Variants in CERS6 observed in about 807,000 individuals in gnomAD.
CERS6 encodes the protein LAG1 homolog, ceramide synthase 6.
Under a neutral mutation model 56.8 loss-of-function variants are expected in CERS6, and 26 were observed. The observed-to-expected ratio is 0.46, with a 90% CI of 0.34 to 0.63. CERS6 has a LOEUF of 0.63. Among genes scored for constraint, CERS6 ranks in the 30% least tolerant of loss-of-function variants. The probability of loss-of-function intolerance (pLI) is 0.01; values close to 1 mark genes in which losing one functional copy is unlikely to be tolerated. For synonymous variants in CERS6, 164 were observed against 173.3 expected, an observed-to-expected ratio of 0.95 and a Z score of 0.42; for missense variants, 415 against 467.5, an observed-to-expected ratio of 0.89 and a Z score of 1.04.
intron 8 of CERS6, among the ~76,000 whole-genome samples, chr2:168,720,636 G>C (rs1412952274): frequency 6.6e-6 from 1 of 152,192 alleles, no homozygotes; most frequent in African/African-American, 2.4e-5. Context: ...TAGGAATGAT[G>C]ATGATGCCCA....
chr2:168,554,846 A>G (rs1261482846), intron 2 of CERS6, among the ~76,000 whole-genome samples: 1 of 152,204 alleles, frequency 6.6e-6, no homozygotes, highest in Non-Finnish European at 1.5e-5. Context: ...GAAAGGAAGA[A>G]TTGACTTTTT....
chr2:168,578,932 T>C (rs1434049972), intron 3 of CERS6, among the ~76,000 whole-genome samples: 2 of 152,082 alleles, frequency 1.3e-5, no homozygotes, highest in African/African-American at 4.8e-5. Flanking sequence ...TGAACTCAAA[T>C]CAGAGACTTA....
intron 1 of CERS6, among the ~76,000 whole-genome samples, chr2:168,514,200 TA>T (rs1413330330): frequency 2.0e-5 from 3 of 152,240 alleles, no homozygotes; most frequent in African/African-American, 7.2e-5. Context: ...GGCCAAATTT[TA>T]AACCCTTCTT....
chr2:168,472,209 C>T lies in CERS6; in HGVS notation c.170+15591C>T, dbSNP rs1416031571. Reference sequence around the variant, plus strand: ...TTTCTAAAGCAGACTTTTTATTCTCCCTGTATAGCATTCATACTGAAACAC... The same window carrying T: ...TTTCTAAAGCAGACTTTTTATTCTCTCTGTATAGCATTCATACTGAAACAC... On this transcript the variant is annotated intron_variant, in intron 1 of 9. Coordinates refer to ENST00000305747, the MANE Select transcript of CERS6 (RefSeq NM_203463.3). Among the ~76,000 whole-genome samples the T allele has an allele frequency of 3.9e-5, 6 of 152,074 alleles. No homozygotes were observed. The East Asian group carries it at 9.6e-4, about 24-fold the overall frequency.
intron 8 of CERS6, among the ~76,000 whole-genome samples, chr2:168,741,118 G>A (rs974507445): frequency 1.3e-5 from 2 of 152,100 alleles, no homozygotes; most frequent in Admixed American, 6.5e-5. Flanking sequence ...CCCTGTATGC[G>A]TTCAAATTCT....
intron 3 of CERS6, among the ~76,000 whole-genome samples, chr2:168,569,163 G>A (rs767838753): frequency 4.6e-5 from 7 of 152,164 alleles, no homozygotes; most frequent in Non-Finnish European, 7.3e-5. Context: ...TTTCTCCAGG[G>A]CCTTCTTTCC....
intron 8 of CERS6, among the ~76,000 whole-genome samples, chr2:168,746,631 G>C (rs965875375): frequency 1.3e-5 from 2 of 151,328 alleles, no homozygotes; most frequent in Admixed American, 1.3e-4. Flanking sequence ...CTAACAACAG[G>C]CTTAAATTCT....
At chr2:168,719,492 C>G (rs753819143) in intron 8 of CERS6, among the ~76,000 whole-genome samples, 7 of 152,098 alleles carry the variant, frequency 4.6e-5, no homozygotes, top group Admixed American at 3.3e-4. Context: ...GACCTATTTC[C>G]CCTTCAAAGA....
chr2:168,582,977 GACAA>G (rs1386720444), intron 3 of CERS6: 3 of 154,184 alleles, frequency 1.9e-5, no homozygotes, highest in African/African-American at 4.8e-5. Flanking sequence ...GGTAATAACT[GACAA>G]ACAGACAATT....
intron 1 of CERS6, among the ~76,000 whole-genome samples, chr2:168,458,525 C>G (rs1414753511): frequency 6.6e-6 from 1 of 151,958 alleles, no homozygotes; most frequent in East Asian, 1.9e-4. Context: ...TTCTTTTTTT[C>G]CATAATCCCA....
chr2:168,562,741 G>A (rs1410474968), intron 3 of CERS6, among the ~76,000 whole-genome samples: 1 of 152,168 alleles, frequency 6.6e-6, no homozygotes, highest in Non-Finnish European at 1.5e-5. Context: ...AGTTCCCAGG[G>A]GCAGGCAGGA....
chr2:168,634,134 A>G (rs566203194), intron 4 of CERS6, among the ~76,000 whole-genome samples: 2 of 152,240 alleles, frequency 1.3e-5, no homozygotes, highest in Non-Finnish European at 2.9e-5. Context: ...CAGACATGTT[A>G]GTGAACTATT....
chr2:168,673,691 C>T (rs1685980433), intron 4 of CERS6, among the ~76,000 whole-genome samples: 1 of 152,124 alleles, frequency 6.6e-6, no homozygotes, highest in Non-Finnish European at 1.5e-5. Flanking sequence ...GTTTGCTCCT[C>T]CCTATTCCCT....
intron 1 of CERS6, among the ~76,000 whole-genome samples, chr2:168,531,343 A>G (rs1695163052): frequency 6.6e-6 from 1 of 152,246 alleles, no homozygotes; most frequent in South Asian, 2.1e-4. Context: ...ATAGATTCAC[A>G]GGAAATTGCA....
At chr2:168,636,914 A>G (rs1684872713) in intron 4 of CERS6, among the ~76,000 whole-genome samples, 2 of 152,292 alleles carry the variant, frequency 1.3e-5, no homozygotes, top group South Asian at 4.1e-4. Context: ...CGCCTGGGTT[A>G]TTGAATTCTG....
At chr2:168,654,273 G>A (rs777977037) in intron 4 of CERS6, among the ~76,000 whole-genome samples, 4 of 152,184 alleles carry the variant, frequency 2.6e-5, no homozygotes, top group Non-Finnish European at 4.4e-5. Flanking sequence ...CGTAGGCCTG[G>A]TGTGGTGGCT....
intron 4 of CERS6, among the ~76,000 whole-genome samples, chr2:168,671,689 C>T (rs972269784): frequency 1.2e-4 from 19 of 152,132 alleles, no homozygotes; most frequent in African/African-American, 4.3e-4. Context: ...TAAAAGATAT[C>T]TGTTATTTCT....
At chr2:168,470,647 G>T (rs1257763609) in intron 1 of CERS6, among the ~76,000 whole-genome samples, 1 of 152,054 alleles carries the variant, frequency 6.6e-6, no homozygotes, top group Non-Finnish European at 1.5e-5. Context: ...GTTAAGTCTT[G>T]CTTGTTAAGC....
chr2:168,488,983 C>T (rs1253268061), intron 1 of CERS6, among the ~76,000 whole-genome samples: 4 of 151,992 alleles, frequency 2.6e-5, no homozygotes, highest in East Asian at 1.9e-4. Context: ...CTATATTTAC[C>T]GAGATATTTA....
Sources: allele counts gnomAD v4.1 joint callset (sites outside exome capture counted in the v4.1 genomes callset), GRCh38; gene constraint gnomAD v4.1.1; transcripts MANE v1.5; gene names NCBI Gene and HGNC (gene_info 2026-07-23, HGNC 2026-07-21).